The following PEBP4 variants were observed in gnomAD, a reference collection of about 807,000 sequenced individuals.
PEBP4 encodes phosphatidylethanolamine binding protein 4.
A neutral mutation model predicts 23.9 loss-of-function variants in PEBP4; 22 were observed. The observed-to-expected ratio is 0.92, with a 90% CI of 0.66 to 1.31. PEBP4 has a LOEUF of 1.31. PEBP4 is among the 40% of genes most tolerant of loss of function. PEBP4 has a pLI of 0.00. For missense variants in PEBP4, 324 were observed against 281.7 expected, an observed-to-expected ratio of 1.15 and a Z score of -1.07; for synonymous variants, 112 against 99.3, an observed-to-expected ratio of 1.13 and a Z score of -0.76.
intron 3 of PEBP4, among the ~76,000 whole-genome samples, chr8:22,844,202 A>G (rs371646542): frequency 6.6e-6 from 1 of 152,230 alleles, no homozygotes; most frequent in Non-Finnish European, 1.5e-5. Flanking sequence ...TACTAAAGGA[A>G]ATCCTGGATT....
chr8:22,835,595 G>A (rs1434698624), intron 3 of PEBP4, among the ~76,000 whole-genome samples: 2 of 152,238 alleles, frequency 1.3e-5, no homozygotes, highest in Admixed American at 6.5e-5. Flanking sequence ...GGAAGGAATA[G>A]GGATCATGTT....
At chr8:22,918,250 A>G (rs1263917968) in intron 3 of PEBP4, among the ~76,000 whole-genome samples, 1 of 152,194 alleles carries the variant, frequency 6.6e-6, no homozygotes, top group Non-Finnish European at 1.5e-5. Flanking sequence ...CCATAGTAGT[A>G]GAATACTATG....
intron 4 of PEBP4, among the ~76,000 whole-genome samples, chr8:22,810,906 GA>G (rs1424212170): frequency 1.3e-5 from 2 of 150,850 alleles, no homozygotes; most frequent in African/African-American, 2.5e-5. Context: ...GAGAGAGAGA[GA>G]GAGAGAGAAA....
At chr8:22,739,206 G>A (rs1400715897) in intron 4 of PEBP4, among the ~76,000 whole-genome samples, 1 of 152,168 alleles carries the variant, frequency 6.6e-6, no homozygotes, top group Non-Finnish European at 1.5e-5. Context: ...AGGGTGGGAT[G>A]GGGTGGGGGG....
chr8:22,728,798 A>C (rs1221840032), intron 4 of PEBP4, among the ~76,000 whole-genome samples: 2 of 152,010 alleles, frequency 1.3e-5, no homozygotes, highest in East Asian at 3.9e-4. Flanking sequence ...GGGTTTTACT[A>C]TGTTGGTCAG....
At chr8:22,860,338 C>CAAA (rs1563240444) in intron 3 of PEBP4, among the ~76,000 whole-genome samples, 21 of 151,638 alleles carry the variant, frequency 1.4e-4, no homozygotes, top group African/African-American at 5.1e-4. Flanking sequence ...CTCCAGAATG[C>CAAA]TTTTCATTTT....
At chr8:22,908,723 T>C (rs1808869238) in intron 3 of PEBP4, among the ~76,000 whole-genome samples, 1 of 152,116 alleles carries the variant, frequency 6.6e-6, no homozygotes, top group Admixed American at 6.6e-5. Flanking sequence ...CTGCTAGGTA[T>C]TCGTACTCAG....
chr8:22,759,444 C>T (rs998135332), intron 4 of PEBP4, among the ~76,000 whole-genome samples: 25 of 151,734 alleles, frequency 1.6e-4, no homozygotes, highest in African/African-American at 6.1e-4. Flanking sequence ...TTCTGCATAT[C>T]GGGCGCTGGG....
At chr8:22,800,314 A>T (rs1167935683) in intron 4 of PEBP4, among the ~76,000 whole-genome samples, 1 of 152,040 alleles carries the variant, frequency 6.6e-6, no homozygotes, top group Non-Finnish European at 1.5e-5. Flanking sequence ...AAGAGTTGGG[A>T]CACCTTGATT....
At chr8:22,821,318 G>A (rs898279522) in intron 3 of PEBP4, among the ~76,000 whole-genome samples, 5 of 152,188 alleles carry the variant, frequency 3.3e-5, no homozygotes, top group African/African-American at 1.2e-4. Context: ...AAAGACCACA[G>A]GGATTTCCAT....
chr8:22,888,539 C>A (rs1808429959), intron 3 of PEBP4, among the ~76,000 whole-genome samples: 1 of 152,218 alleles, frequency 6.6e-6, no homozygotes, highest in Non-Finnish European at 1.5e-5. Context: ...TGGCTTCTGC[C>A]TATCTCTGGC....
chr8:22,872,132 A>G (rs752097322), intron 3 of PEBP4, among the ~76,000 whole-genome samples: 14 of 152,208 alleles, frequency 9.2e-5, no homozygotes, highest in Non-Finnish European at 1.2e-4. Flanking sequence ...GCTGGGTAGT[A>G]TCCTATGGTA....
At chr8:22,918,819 G>GCTTC (rs1446152783) in intron 3 of PEBP4, among the ~76,000 whole-genome samples, 1 of 152,188 alleles carries the variant, frequency 6.6e-6, no homozygotes, top group Non-Finnish European at 1.5e-5. Flanking sequence ...GAATCAGCAG[G>GCTTC]CTTCCTTTCT....
intron 4 of PEBP4, chr8:22,758,293 T>TACC (rs1805433684): frequency 6.6e-6 from 1 of 152,240 alleles, no homozygotes; most frequent in African/African-American, 2.4e-5. Flanking sequence ...CAGTGCCTGG[T>TACC]ACTGAATGTT....
intron 3 of PEBP4, among the ~76,000 whole-genome samples, chr8:22,826,103 G>T (rs1806962542): frequency 6.6e-6 from 1 of 152,174 alleles, no homozygotes; most frequent in Non-Finnish European, 1.5e-5. Context: ...ATTCTAGAAA[G>T]CTTGGTGTAC....
intron 3 of PEBP4, among the ~76,000 whole-genome samples, chr8:22,897,312 G>A (rs759448254): frequency 2.6e-5 from 4 of 152,132 alleles, no homozygotes; most frequent in South Asian, 2.1e-4. Flanking sequence ...GATGTGATGC[G>A]TTCAGAAGCA....
At chr8:22,922,689 G>A (rs764484308) in intron 2 of PEBP4, among the ~76,000 whole-genome samples, 4 of 151,874 alleles carry the variant, frequency 2.6e-5, no homozygotes, top group African/African-American at 7.3e-5. Flanking sequence ...TTGCATCACC[G>A]CACTCCAGCC....
chr8:22,832,869 C>A (rs946429553), intron 3 of PEBP4, among the ~76,000 whole-genome samples: 1 of 151,898 alleles, frequency 6.6e-6, no homozygotes, highest in African/African-American at 2.4e-5. Context: ...ATGCCAGCCA[C>A]CCACCCACAG....
At chr8:22,799,799 C>T (rs772185127) in intron 4 of PEBP4, among the ~76,000 whole-genome samples, 8 of 152,104 alleles carry the variant, frequency 5.3e-5, no homozygotes, top group East Asian at 3.9e-4. Flanking sequence ...TGAGAACACG[C>T]GGTGTAAGGA....
Sources: gnomAD v4.1 joint callset for allele counts (sites outside exome capture counted in the v4.1 genomes callset) on GRCh38, gnomAD v4.1.1 for gene constraint, MANE v1.5 for transcripts, NCBI Gene and HGNC (gene_info 2026-07-23, HGNC 2026-07-21) for gene names.